The following RNF150 variants were observed in gnomAD, a reference collection of about 807,000 sequenced individuals.
RNF150 encodes ring finger protein 150.
Under a neutral mutation model 39.3 loss-of-function variants are expected in RNF150, and 24 were observed. The ratio of observed to expected loss-of-function variants is 0.61; its 90% CI spans 0.44 to 0.86. The LOEUF (loss-of-function observed/expected upper bound fraction) is 0.86. RNF150 is among the 40% of genes least tolerant of loss of function. The pLI is 0.00. For missense variants in RNF150, 502 were observed against 587.8 expected, an observed-to-expected ratio of 0.85 and a Z score of 1.51; for synonymous variants, 255 against 227.3, an observed-to-expected ratio of 1.12 and a Z score of -1.10.
intron 2 of RNF150, among the ~76,000 whole-genome samples, chr4:140,959,694 C>G (rs145018570): frequency 1.9e-3 from 282 of 152,254 alleles, no homozygotes; most frequent in Middle Eastern, 3.4e-3. Context: ...TGAGGCTGTC[C>G]TTGGTCTTTG....
intron 1 of RNF150, among the ~76,000 whole-genome samples, chr4:141,110,199 G>A (rs555607823): frequency 6.6e-6 from 1 of 152,166 alleles, no homozygotes; most frequent in African/African-American, 2.4e-5. Flanking sequence ...CCTAATGGCA[G>A]GACGTCAATC....
chr4:141,017,220 A>C (rs1735312100), intron 1 of RNF150, among the ~76,000 whole-genome samples: 1 of 152,144 alleles, frequency 6.6e-6, no homozygotes, highest in Non-Finnish European at 1.5e-5. Context: ...CAACTTTCTC[A>C]AAAACCAGCT....
chr4:141,148,105 G>A (rs1261690186), intron 1 of RNF150, among the ~76,000 whole-genome samples: 1 of 152,066 alleles, frequency 6.6e-6, no homozygotes, highest in African/African-American at 2.4e-5. Flanking sequence ...AATAAAATTA[G>A]TCTTAATACA....
rs147886479 is a variant in RNF150, at chr4:140,895,399, T to C, written c.1198+15745A>G. 4.6e-4 allele frequency among the ~76,000 whole-genome samples: 70 copies of C among 152,278 alleles called. 1 individual carries two copies. Among genetic ancestry groups the C allele is most frequent in the Non-Finnish European group, 8.8e-4 (60 of 68,016 alleles). On this transcript the variant is annotated intron_variant, in intron 6 of 6. Coordinates refer to ENST00000515673, the MANE Select transcript of RNF150 (RefSeq NM_020724.2). ...TCAATGTAAGTCAAAGTCCCCACAA[T>C]ATGCCTTGGAAGCAAAAAACATATG...
At chr4:140,870,828 T>A (rs536151286) in intron 6 of RNF150, among the ~76,000 whole-genome samples, 2 of 151,916 alleles carry the variant, frequency 1.3e-5, no homozygotes, top group East Asian at 3.9e-4. Flanking sequence ...TCTTCTTGCA[T>A]TTTCCCTGTC....
At chr4:141,058,447 T>C (rs948883281) in intron 1 of RNF150, among the ~76,000 whole-genome samples, 2 of 152,068 alleles carry the variant, frequency 1.3e-5, no homozygotes, top group Non-Finnish European at 2.9e-5. Flanking sequence ...TAGTCTGCCT[T>C]TTCCCACAAA....
chr4:141,064,447 A>T (rs1392489548), intron 1 of RNF150, among the ~76,000 whole-genome samples: 3 of 152,098 alleles, frequency 2.0e-5, no homozygotes, highest in Admixed American at 6.6e-5. Context: ...CCATTACAAT[A>T]AAGCTAATCA....
At chr4:141,114,636 C>T (rs905048441) in intron 1 of RNF150, among the ~76,000 whole-genome samples, 1 of 152,178 alleles carries the variant, frequency 6.6e-6, no homozygotes, top group Non-Finnish European at 1.5e-5. Flanking sequence ...AGAAGGACTC[C>T]TTCCTAATGC....
At position 140,864,856 on chromosome 4, in the gene RNF150, T is replaced by G. The variant is rs1191894575; in HGVS notation, c.*3405A>C. The G allele has an allele frequency of 2.0e-5, 3 of 152,196 alleles. No homozygotes were observed. The highest frequency in any genetic ancestry group is 4.4e-5 in the Non-Finnish European group (3 of 68,040). The allele number at this position is 152,196 out of a possible 1,614,324, so 9.4% of individuals were successfully genotyped here. On this transcript the variant is annotated 3_prime_UTR_variant, in exon 7 of 7. Coordinates refer to ENST00000515673, the MANE Select transcript of RNF150 (RefSeq NM_020724.2). ...TCAGAGGAGTAACAACAAATGGTCA[T>G]GGACATCAATGATATGGTTAGAAAG...
intron 1 of RNF150, among the ~76,000 whole-genome samples, chr4:141,008,947 T>C (rs74873011): frequency 6.6e-6 from 1 of 152,200 alleles, no homozygotes; most frequent in Non-Finnish European, 1.5e-5. Context: ...TATATTTATA[T>C]ATGCATGATG....
At position 141,098,446 on chromosome 4, in the gene RNF150, T is replaced by C. The variant is rs191850568; in HGVS notation, c.484+33879A>G. Among the ~76,000 whole-genome samples the C allele has an allele frequency of 1.1e-3, 171 of 152,338 alleles. 1 individual carries two copies. Among genetic ancestry groups the C allele is most frequent in the Middle Eastern group, 0.01 (3 of 294 alleles). On this transcript the variant is annotated intron_variant, in intron 1 of 6. Transcript: ENST00000515673. ...GATGCCCACAGTGCAGTGTGACCAC[T>C]GGTGTGGTGGGTGTTTGCCTCATAC...
intron 1 of RNF150, among the ~76,000 whole-genome samples, chr4:141,050,326 G>T (rs1403977827): frequency 1.3e-5 from 2 of 151,924 alleles, no homozygotes; most frequent in Non-Finnish European, 2.9e-5. Flanking sequence ...TTCCACTCCT[G>T]GCCCCTCCCA....
intron 1 of RNF150, among the ~76,000 whole-genome samples, chr4:141,178,981 A>C (rs1025507703): frequency 6.7e-6 from 1 of 150,060 alleles, no homozygotes; most frequent in Non-Finnish European, 1.5e-5. Flanking sequence ...TGTGACTCCT[A>C]AATCTAAATT....
chr4:140,865,553 CTT>C lies in RNF150; in HGVS notation c.*2706_*2707del, dbSNP rs11384745. 0.14 allele frequency: 17,493 copies of C among 123,950 alleles called. 1,181 individuals are homozygous for C. Among genetic ancestry groups the C allele is most frequent in the Admixed American group, 0.25 (3,179 of 12,606 alleles). The allele number at this position is 123,950 out of a possible 1,614,324, so 7.7% of individuals were successfully genotyped here. A position where few individuals can be genotyped will look rare whatever the true frequency, so the allele number is the denominator to read the frequency against. ...CTTTCTGGTTAAGCTTTTTTTTTTT[CTT>C]TTTTTTTTTTTTTTTAAACTATCAA... is the stretch of plus-strand genomic sequence containing the variant. On this transcript the variant is annotated 3_prime_UTR_variant, in exon 7 of 7. Coordinates refer to ENST00000515673, the MANE Select transcript of RNF150 (RefSeq NM_020724.2).
At chr4:140,905,134 T>C (rs1206659486) in intron 6 of RNF150, among the ~76,000 whole-genome samples, 1 of 152,186 alleles carries the variant, frequency 6.6e-6, no homozygotes, top group African/African-American at 2.4e-5. Context: ...AAAACCACTT[T>C]TCTCTGTGCT....
At chr4:141,078,976 C>G (rs903251050) in intron 1 of RNF150, among the ~76,000 whole-genome samples, 1 of 150,692 alleles carries the variant, frequency 6.6e-6, no homozygotes, top group Non-Finnish European at 1.5e-5. Flanking sequence ...TATAAGAAAG[C>G]CTTTTTCCAC....
At chr4:141,150,154 A>G (rs1285546339) in intron 1 of RNF150, among the ~76,000 whole-genome samples, 1 of 152,204 alleles carries the variant, frequency 6.6e-6, no homozygotes, top group African/African-American at 2.4e-5. Flanking sequence ...AAAATATACT[A>G]TTTTGTGCAT....
intron 2 of RNF150, among the ~76,000 whole-genome samples, chr4:140,956,728 C>T (rs554534631): frequency 1.7e-3 from 262 of 152,240 alleles, no homozygotes; most frequent in Non-Finnish European, 2.7e-3. Flanking sequence ...TGGAACAGAA[C>T]AGAGCCCTCA....
At chr4:140,868,708 C>T (rs1029914149) in intron 6 of RNF150, among the ~76,000 whole-genome samples, 1 of 152,064 alleles carries the variant, frequency 6.6e-6, no homozygotes, top group Non-Finnish European at 1.5e-5. Flanking sequence ...ATATGCGTAA[C>T]ATTTAAAATG....
Sources: allele counts gnomAD v4.1 joint callset (sites outside exome capture counted in the v4.1 genomes callset), GRCh38; gene constraint gnomAD v4.1.1; transcripts MANE v1.5; gene names NCBI Gene and HGNC (gene_info 2026-07-23, HGNC 2026-07-21).